PCDHA7: variants seen among roughly 807,000 people sequenced by gnomAD.
PCDHA7 encodes protocadherin alpha 7.
In PCDHA7, 37 loss-of-function variants were observed where a neutral mutation model predicts 57.2. The ratio of observed to expected loss-of-function variants is 0.65; its 90% CI spans 0.50 to 0.85. PCDHA7 has a LOEUF of 0.85. Among genes scored for constraint, PCDHA7 ranks in the 40% least tolerant of loss-of-function variants. The pLI is 0.00. For missense variants in PCDHA7, 1,188 were observed against 1,241.8 expected, an observed-to-expected ratio of 0.96 and a Z score of 0.65; for synonymous variants, 553 against 558.8, an observed-to-expected ratio of 0.99 and a Z score of 0.15.
intron 1 of PCDHA7, among the ~76,000 whole-genome samples, chr5:140,896,499 A>G (rs1029698205): frequency 6.6e-6 from 1 of 150,502 alleles, no homozygotes; most frequent in African/African-American, 2.4e-5. Flanking sequence ...AGTAGCTGGG[A>G]CTGTGCAGGC....
At chr5:140,902,729 C>T (rs1554190627) in intron 1 of PCDHA7, among the ~76,000 whole-genome samples, 1 of 152,068 alleles carries the variant, frequency 6.6e-6, no homozygotes, top group East Asian at 1.9e-4. Flanking sequence ...CCCTTCCCTC[C>T]AAGTCCCCCA....
chr5:140,846,981 G>T (rs1054383411), intron 1 of PCDHA7, among the ~76,000 whole-genome samples: 3 of 149,582 alleles, frequency 2.0e-5, no homozygotes, highest in Admixed American at 1.3e-4. Flanking sequence ...AAATAAGTAA[G>T]TTCCCCCCGG....
chr5:140,920,804 A>G (rs2079833395), intron 1 of PCDHA7, among the ~76,000 whole-genome samples: 1 of 151,364 alleles, frequency 6.6e-6, no homozygotes, highest in South Asian at 2.1e-4. Context: ...AGATCACGCC[A>G]CTGCACTCCA....
At chr5:140,870,507 A>C (rs782584168) in intron 1 of PCDHA7, 1 of 1,614,128 alleles carries the variant, frequency 6.2e-7, no homozygotes, top group Non-Finnish European at 8.5e-7. Context: ...AGAACAACCC[A>C]CCAGGCTGCC....
At chr5:140,846,796 C>G (rs1200474608) in intron 1 of PCDHA7, among the ~76,000 whole-genome samples, 1 of 149,304 alleles carries the variant, frequency 6.7e-6, no homozygotes, top group African/African-American at 2.5e-5. Context: ...GAGCCCCAGC[C>G]CCTGGCTTTA....
chr5:140,836,220 C>A lies in PCDHA7; in HGVS notation c.1837C>A (p.Pro613Thr), dbSNP rs2150255697. ...YNAWLSYELQ[P>T]VAAGASIPFR... The stretch of plus-strand genomic sequence containing the variant: ...CGCGTGGCTTTCGTATGAGTTGCAA[C>A]CGGTGGCGGCCGGTGCGAGCATCCC... Residue 613 changes from proline (P) to threonine (T), a missense_variant, in exon 1 of 4, where the codon CCG (proline) becomes ACG (threonine). Around this residue, in one of 3 missense-constraint regions of PCDHA7, gnomAD observed 892 missense variants for 788.5 expected, o/e 1.13. Coordinates refer to ENST00000525929, the MANE Select transcript of PCDHA7 (RefSeq NM_018910.3). The A allele has an allele frequency of 4.3e-6, 7 of 1,613,810 alleles. No homozygotes were observed. The Admixed American group carries it at 1.2e-4, about 27-fold the overall frequency.
intron 1 of PCDHA7, among the ~76,000 whole-genome samples, chr5:140,962,850 G>T (rs2095713419): frequency 6.6e-6 from 1 of 152,104 alleles, no homozygotes; most frequent in African/African-American, 2.4e-5. Flanking sequence ...TATAACTTGT[G>T]CTCGGTTTGT....
chr5:140,971,488 A>C (rs17119328), intron 1 of PCDHA7, among the ~76,000 whole-genome samples: 9,487 of 152,206 alleles, frequency 0.062, 310 homozygotes, highest in African/African-American at 0.074. Flanking sequence ...ACATTGTTAC[A>C]GTGTGGCAAG....
At chr5:140,900,713 G>A (rs1367112592) in intron 1 of PCDHA7, among the ~76,000 whole-genome samples, 1 of 152,194 alleles carries the variant, frequency 6.6e-6, no homozygotes, top group Non-Finnish European at 1.5e-5. Context: ...TGGAAAGAAA[G>A]GAAATCCTAC....
In PCDHA7 at chr5:140,963,375, C is replaced by A. The variant is rs1425392684; in HGVS notation, c.2356-15574C>A. On this transcript the variant is annotated intron_variant, in intron 1 of 3. Transcript: ENST00000525929. ...CTTTTCAAAGAACATTAATTGAGCA[C>A]CTCTGTGCCAAGCTCCCTACTGGAT... is the stretch of plus-strand genomic sequence containing the variant. Among the ~76,000 whole-genome samples, 15 of 152,176 alleles carry A rather than the reference C, an allele frequency of 9.9e-5. 1 individual carries two copies. The highest frequency in any genetic ancestry group is 5.2e-4 in the Admixed American group (8 of 15,290).
chr5:140,921,215 CT>C (rs2080099389), intron 1 of PCDHA7, among the ~76,000 whole-genome samples: 1 of 151,942 alleles, frequency 6.6e-6, no homozygotes, highest in Admixed American at 6.6e-5. Context: ...TAATTCACGT[CT>C]TTTTTGCTAG....
intron 1 of PCDHA7, chr5:140,870,613 T>C (rs1562647895): frequency 1.2e-6 from 2 of 1,613,078 alleles, no homozygotes; most frequent in Non-Finnish European, 1.7e-6. Flanking sequence ...CCGCGCGCTG[T>C]CGAGCTACGT....
chr5:140,985,421 G>T (rs1554247049), intron 3 of PCDHA7, among the ~76,000 whole-genome samples: 1 of 152,110 alleles, frequency 6.6e-6, no homozygotes, highest in African/African-American at 2.4e-5. Context: ...GGAGTGAGGA[G>T]GATTTATTAG....
intron 1 of PCDHA7, among the ~76,000 whole-genome samples, chr5:140,950,864 A>G (rs1014752748): frequency 1.3e-5 from 2 of 151,930 alleles, no homozygotes; most frequent in Non-Finnish European, 2.9e-5. Context: ...ATTCTTGTAT[A>G]TTCTATATTG....
intron 1 of PCDHA7, chr5:140,841,844 CATG>C (rs2150323969): frequency 6.2e-7 from 1 of 1,613,842 alleles, no homozygotes; most frequent in Non-Finnish European, 8.5e-7. Flanking sequence ...GCTTAGCTCT[CATG>C]ATTACTTCAT....
intron 1 of PCDHA7, chr5:140,877,741 A>C: frequency 6.2e-7 from 1 of 1,614,182 alleles, no homozygotes; most frequent in Non-Finnish European, 8.5e-7. Context: ...GAGGAGGCAG[A>C]GGGTGTGCTC....
chr5:140,937,219 T>A (rs555881657), intron 1 of PCDHA7, among the ~76,000 whole-genome samples: 4 of 151,838 alleles, frequency 2.6e-5, no homozygotes, highest in East Asian at 3.9e-4. Context: ...TTGTATTTTT[T>A]GTAGAGACGG....
chr5:140,980,878 G>A (rs528577692), intron 2 of PCDHA7, among the ~76,000 whole-genome samples: 6 of 152,118 alleles, frequency 3.9e-5, no homozygotes, highest in East Asian at 1.9e-4. Context: ...GGGTGTTCTC[G>A]GTCTTTCCAG....
chr5:140,981,690 A>C (rs1410954672), intron 2 of PCDHA7, among the ~76,000 whole-genome samples: 1 of 150,712 alleles, frequency 6.6e-6, no homozygotes, highest in Non-Finnish European at 1.5e-5. Flanking sequence ...CCCTTCCATC[A>C]TTCATTCATT....
Sources: allele counts gnomAD v4.1 joint callset (sites outside exome capture counted in the v4.1 genomes callset), GRCh38; gene constraint gnomAD v4.1.1; regional missense constraint gnomAD v4.1.1; transcripts MANE v1.5; gene names NCBI Gene and HGNC (gene_info 2026-07-23, HGNC 2026-07-21).